The following DPF3 variants were observed in gnomAD, a reference collection of about 807,000 sequenced individuals.
DPF3 encodes the protein double PHD fingers 3, also known as zinc finger protein DPF3.
A neutral mutation model predicts 56.8 loss-of-function variants in DPF3; 18 were observed. The ratio of observed to expected loss-of-function variants is 0.32; its 90% CI spans 0.22 to 0.47. The LOEUF (loss-of-function observed/expected upper bound fraction) is 0.47, where lower values mean the gene tolerates loss of function less well. Among genes scored for constraint, DPF3 ranks in the 20% least tolerant of loss-of-function variants. The pLI is 1.00. For missense variants in DPF3, 403 were observed against 488.8 expected, an observed-to-expected ratio of 0.82 and a Z score of 1.65; for synonymous variants, 188 against 180.2, an observed-to-expected ratio of 1.04 and a Z score of -0.35.
intron 8 of DPF3, among the ~76,000 whole-genome samples, chr14:72,655,548 C>A (rs1328456673): frequency 6.6e-6 from 1 of 152,136 alleles, no homozygotes; most frequent in Non-Finnish European, 1.5e-5. Context: ...CACCTGGTGG[C>A]CTTTTGGCCT....
At chr14:72,663,002 G>A (rs1271012054) in intron 8 of DPF3, among the ~76,000 whole-genome samples, 2 of 151,376 alleles carry the variant, frequency 1.3e-5, no homozygotes, top group African/African-American at 2.4e-5. Context: ...ATGAGGCTAG[G>A]CCAGGTGCAA....
At chr14:72,674,877 C>G (rs1316207788) in intron 7 of DPF3, among the ~76,000 whole-genome samples, 3 of 152,242 alleles carry the variant, frequency 2.0e-5, no homozygotes, top group African/African-American at 7.2e-5. Context: ...AGGTCATTTC[C>G]AGGAATAACA....
At chr14:72,844,038 C>T (rs1228031514) in intron 1 of DPF3, among the ~76,000 whole-genome samples, 2 of 152,218 alleles carry the variant, frequency 1.3e-5, no homozygotes, top group Admixed American at 1.3e-4. Context: ...AGAGTCTGTG[C>T]TCTTAACAAT....
intron 1 of DPF3, among the ~76,000 whole-genome samples, chr14:72,887,191 A>T (rs1886583555): frequency 6.8e-6 from 1 of 146,922 alleles, no homozygotes; most frequent in African/African-American, 2.5e-5. Flanking sequence ...ACACACACAC[A>T]CACACAAAAG....
intron 1 of DPF3, among the ~76,000 whole-genome samples, chr14:72,850,770 G>A (rs954347611): frequency 2.6e-5 from 4 of 152,036 alleles, no homozygotes; most frequent in African/African-American, 9.7e-5. Flanking sequence ...AATCTCCCCT[G>A]GACCTAAATA....
chr14:72,666,774 C>G (rs965840021), intron 8 of DPF3, among the ~76,000 whole-genome samples: 1 of 152,164 alleles, frequency 6.6e-6, no homozygotes, highest in African/African-American at 2.4e-5. Context: ...CTTCCACACA[C>G]CAGATCAAAG....
chr14:72,861,298 C>T (rs1885397013), intron 1 of DPF3, among the ~76,000 whole-genome samples: 1 of 152,146 alleles, frequency 6.6e-6, no homozygotes, highest in Non-Finnish European at 1.5e-5. Context: ...TCTCTAGTTA[C>T]ATTTCCTCCA....
intron 3 of DPF3, among the ~76,000 whole-genome samples, chr14:72,752,607 G>A (rs1049131150): frequency 1.3e-5 from 2 of 152,198 alleles, no homozygotes; most frequent in Admixed American, 6.5e-5. Flanking sequence ...AGTCTGCAGT[G>A]AGCCGAGATT....
At chr14:72,730,466 G>C (rs1261865328) in intron 4 of DPF3, among the ~76,000 whole-genome samples, 1 of 152,132 alleles carries the variant, frequency 6.6e-6, no homozygotes, top group Non-Finnish European at 1.5e-5. Context: ...GGAGAAGAAG[G>C]CCAAATTCTG....
At chr14:72,841,227 C>T (rs568459651) in intron 1 of DPF3, among the ~76,000 whole-genome samples, 1 of 152,312 alleles carries the variant, frequency 6.6e-6, no homozygotes, top group South Asian at 2.1e-4. Flanking sequence ...CTCTGAGACT[C>T]AAGGTCCCTA....
chr14:72,676,888 C>A (rs974883158), intron 7 of DPF3, among the ~76,000 whole-genome samples: 14 of 152,190 alleles, frequency 9.2e-5, no homozygotes, highest in African/African-American at 3.4e-4. Flanking sequence ...TCACTACCAA[C>A]AGACCATTGG....
At chr14:72,631,733 G>A (rs1027495053) in intron 8 of DPF3, among the ~76,000 whole-genome samples, 8 of 152,212 alleles carry the variant, frequency 5.3e-5, no homozygotes, top group African/African-American at 1.9e-4. Flanking sequence ...GATACCTTGA[G>A]CCCTTCCAGC....
At chr14:72,803,863 A>C (rs894562060) in intron 1 of DPF3, among the ~76,000 whole-genome samples, 8 of 151,428 alleles carry the variant, frequency 5.3e-5, no homozygotes, top group Non-Finnish European at 1.0e-4. Flanking sequence ...AAACATGTGC[A>C]GTGAAAGGGC....
intron 6 of DPF3, among the ~76,000 whole-genome samples, chr14:72,713,856 C>T (rs559760186): frequency 1.4e-4 from 21 of 152,268 alleles, no homozygotes; most frequent in African/African-American, 3.9e-4. Flanking sequence ...GCCAGGCAGT[C>T]GCTTGTCCAA....
At chr14:72,842,201 G>C (rs1272598869) in intron 1 of DPF3, among the ~76,000 whole-genome samples, 1 of 151,754 alleles carries the variant, frequency 6.6e-6, no homozygotes, top group African/African-American at 2.4e-5. Context: ...AGCCTCTACT[G>C]AACATACGCC....
intron 8 of DPF3, among the ~76,000 whole-genome samples, chr14:72,653,229 A>C (rs574417270): frequency 6.6e-6 from 1 of 152,314 alleles, no homozygotes; most frequent in East Asian, 1.9e-4. Flanking sequence ...AAGTGGGACA[A>C]TCACTTCTGA....
At chr14:72,883,299 A>T (rs1886389067) in intron 1 of DPF3, among the ~76,000 whole-genome samples, 1 of 151,912 alleles carries the variant, frequency 6.6e-6, no homozygotes, top group Non-Finnish European at 1.5e-5. Context: ...CCATCTCTAT[A>T]AAAAAATTAA....
intron 1 of DPF3, among the ~76,000 whole-genome samples, chr14:72,851,195 G>A (rs1884971172): frequency 6.6e-6 from 1 of 152,188 alleles, no homozygotes; most frequent in Admixed American, 6.5e-5. Flanking sequence ...TCCCATTGGT[G>A]AGGTCAGAAC....
At chr14:72,867,905 T>G (rs972632890) in intron 1 of DPF3, among the ~76,000 whole-genome samples, 4 of 151,882 alleles carry the variant, frequency 2.6e-5, no homozygotes, top group Non-Finnish European at 5.9e-5. Flanking sequence ...TGCCTGGCTA[T>G]TTTTTTGTAT....
Sources: gnomAD v4.1 joint callset for allele counts (sites outside exome capture counted in the v4.1 genomes callset) on GRCh38, gnomAD v4.1.1 for gene constraint, MANE v1.5 for transcripts, NCBI Gene and HGNC (gene_info 2026-07-23, HGNC 2026-07-21) for gene names.